The following SULF2 variants were observed in gnomAD, a reference collection of about 807,000 sequenced individuals.
SULF2 encodes the protein extracellular sulfatase Sulf-2.
In SULF2, 52 loss-of-function variants were observed where a neutral mutation model predicts 107.7. The observed-to-expected ratio is 0.48, with a 90% CI of 0.39 to 0.61. SULF2 has a LOEUF of 0.61. Among genes scored for constraint, SULF2 ranks in the 20% least tolerant of loss-of-function variants. The probability of loss-of-function intolerance (pLI) is 0.00; values close to 1 mark genes in which losing one functional copy is unlikely to be tolerated. For missense variants in SULF2, 993 were observed against 1,177.3 expected, an observed-to-expected ratio of 0.84 and a Z score of 2.29; for synonymous variants, 460 against 464.3, an observed-to-expected ratio of 0.99 and a Z score of 0.12.
intron 3 of SULF2, 109 bp downstream of exon 3, chr20:47,736,594 A>AG: frequency 7.1e-7 from 1 of 1,415,280 alleles, no homozygotes. Flanking sequence ...GAGTTGCTCT[A>AG]GGGGCTATCC....
intron 3 of SULF2, among the ~76,000 whole-genome samples, chr20:47,704,632 T>C (rs988662448): frequency 1.3e-5 from 2 of 152,334 alleles, no homozygotes; most frequent in Non-Finnish European, 2.9e-5. Context: ...ATGGGAAAAT[T>C]TGAGTCTAGA....
At position 47,676,459 on chromosome 20, in the gene SULF2, G is replaced by A. The variant is rs753691978; in HGVS notation, c.1380+35C>T. On this transcript the variant is annotated intron_variant, in intron 10 of 20. Transcript: ENST00000688720. Reference sequence around the variant, plus strand: ...AGGTCAGGGCCGGCTGCAGTCAGGAGGGGGAGCCGTTGGGAGGGAAGGGAG... The same window carrying A: ...AGGTCAGGGCCGGCTGCAGTCAGGAAGGGGAGCCGTTGGGAGGGAAGGGAG... 7 of 1,597,312 alleles carry A rather than the reference G, an allele frequency of 4.4e-6. No individual in the cohort carries two copies. The African/African-American group carries it at 6.7e-5, about 15-fold the overall frequency.
At chr20:47,718,443 A>G (rs1204961739) in intron 3 of SULF2, among the ~76,000 whole-genome samples, 1 of 152,178 alleles carries the variant, frequency 6.6e-6, no homozygotes, top group Non-Finnish European at 1.5e-5. Flanking sequence ...ATACCAGTGA[A>G]CAAAACAGAA....
At chr20:47,662,312 T>C (rs780883744) in intron 17 of SULF2, among the ~76,000 whole-genome samples, 4 of 152,170 alleles carry the variant, frequency 2.6e-5, no homozygotes, top group Non-Finnish European at 4.4e-5. Context: ...GGTTCTTGTG[T>C]AGTCTGGGAG....
intron 1 of SULF2, among the ~76,000 whole-genome samples, chr20:47,778,626 G>A (rs1319714129): frequency 6.6e-6 from 1 of 151,304 alleles, no homozygotes; most frequent in Non-Finnish European, 1.5e-5. Flanking sequence ...CAAGGCCCGA[G>A]ATCCCACATG....
intron 2 of SULF2, among the ~76,000 whole-genome samples, chr20:47,745,988 T>C (rs2090026584): frequency 6.6e-6 from 1 of 152,234 alleles, no homozygotes; most frequent in Admixed American, 6.5e-5. Flanking sequence ...AGATTTCACA[T>C]CAATTCAGCT....
At chr20:47,764,985 T>C (rs59942572) in intron 1 of SULF2, among the ~76,000 whole-genome samples, 21,769 of 152,000 alleles carry the variant, frequency 0.14, 1,680 homozygotes, top group East Asian at 0.18. Context: ...CCCAGTGTCG[T>C]GCAGCATGGG....
rs151140010 is a variant in SULF2, at chr20:47,674,932, T to C, written c.1380+1562A>G. On this transcript the variant is annotated intron_variant, in intron 10 of 20. Coordinates refer to ENST00000688720, the MANE Select transcript of SULF2 (RefSeq NM_001387048.1). Reference sequence around the variant, plus strand: ...AGGTCCCCAAAGCTCCGGGGCTGGGTCGGGGGCCGTGGGTTGCTGCCTCCC... The same window carrying C: ...AGGTCCCCAAAGCTCCGGGGCTGGGCCGGGGGCCGTGGGTTGCTGCCTCCC... Among the ~76,000 whole-genome samples, 608 of 152,186 alleles carry C rather than the reference T, an allele frequency of 4.0e-3. 6 individuals are homozygous for C. Among genetic ancestry groups the C allele is most frequent in the African/African-American group, 0.014 (581 of 41,524 alleles).
At chr20:47,761,212 T>G (rs1174521463) in intron 1 of SULF2, among the ~76,000 whole-genome samples, 5 of 152,192 alleles carry the variant, frequency 3.3e-5, no homozygotes, top group African/African-American at 4.8e-5. Context: ...GTACTATTAT[T>G]AGCCCCAGAG....
chr20:47,771,335 G>A (rs1458810062), intron 1 of SULF2, among the ~76,000 whole-genome samples: 1 of 152,128 alleles, frequency 6.6e-6, no homozygotes, highest in Non-Finnish European at 1.5e-5. Context: ...CTCGTACCAG[G>A]AGCTAGAGTC....
At chr20:47,733,957 G>A (rs763507724) in intron 3 of SULF2, among the ~76,000 whole-genome samples, 6 of 152,142 alleles carry the variant, frequency 3.9e-5, no homozygotes, top group African/African-American at 1.4e-4. Context: ...CTATTCAAAC[G>A]AGTATCACAA....
rs574100048 is a variant in SULF2, at chr20:47,764,630, A to G, written c.-100-7167T>C. Among the ~76,000 whole-genome samples the G allele has an allele frequency of 4.6e-5, 7 of 152,178 alleles. No homozygotes were observed. In the East Asian group the frequency reaches 1.2e-3, roughly 25 times the overall value. ...GTGCTGGGTGCCAGGAGGCATGAAT[A>G]TGGTGCTGATGGTGGCCGCCCATTG... On this transcript the variant is annotated intron_variant, in intron 1 of 20. Transcript: ENST00000688720.
In SULF2 at chr20:47,736,696, T is replaced by C; in HGVS notation, c.415+7A>G. On this transcript the variant is annotated splice_region_variant and intron_variant, in intron 3 of 20. Transcript: ENST00000688720. Reference sequence around the variant, plus strand: ...CCCTTCCTGCACCTGCCCCCGTCCCTGCTCACCTGTCCGGTAGCCAGTGCT... The same window carrying C: ...CCCTTCCTGCACCTGCCCCCGTCCCCGCTCACCTGTCCGGTAGCCAGTGCT... 6.2e-7 allele frequency: 1 copy of C among 1,614,178 alleles called. No individual in the cohort carries two copies. The highest frequency in any genetic ancestry group is 1.3e-5 in the African/African-American group (1 of 75,058).
At chr20:47,734,512 A>C (rs187985823) in intron 3 of SULF2, among the ~76,000 whole-genome samples, 1 of 152,354 alleles carries the variant, frequency 6.6e-6, no homozygotes, top group African/African-American at 2.4e-5. Context: ...ATCTTTAAAA[A>C]CATTTCCACT....
At chr20:47,672,771 T>A (rs891491117) in intron 10 of SULF2, among the ~76,000 whole-genome samples, 3 of 152,178 alleles carry the variant, frequency 2.0e-5, no homozygotes, top group Non-Finnish European at 2.9e-5. Context: ...AAGCTCCTGA[T>A]ACTAGTCTTT....
chr20:47,659,683 A>C lies in SULF2; in HGVS notation c.2528+14T>G. ...GGAGAACTTTGTTTAGGCTTTAATA[A>C]TAAAACGAAATACCTGTATTGCTCA... On this transcript the variant is annotated intron_variant, in intron 19 of 20. Transcript: ENST00000688720. 3 of 1,608,628 alleles carry C rather than the reference A, an allele frequency of 1.9e-6. No individual in the cohort carries two copies. The South Asian group carries it at 3.3e-5, about 18-fold the overall frequency.
At chr20:47,691,494 C>T (rs748974003) in intron 4 of SULF2, among the ~76,000 whole-genome samples, 17 of 152,216 alleles carry the variant, frequency 1.1e-4, no homozygotes, top group African/African-American at 2.9e-4. Flanking sequence ...GATTGGCCTG[C>T]GGTTTGGCCC....
chr20:47,728,369 T>C (rs998790416), intron 3 of SULF2, among the ~76,000 whole-genome samples: 4 of 152,056 alleles, frequency 2.6e-5, no homozygotes, highest in Non-Finnish European at 2.9e-5. Flanking sequence ...CGGGAATAAT[T>C]TCAGTCTTCT....
At chr20:47,737,755 G>GTTTT (rs11484375) in intron 2 of SULF2, among the ~76,000 whole-genome samples, 734 of 61,854 alleles carry the variant, frequency 0.012, 74 homozygotes, top group African/African-American at 0.034. Flanking sequence ...TCTTTTCTTT[G>GTTTT]TTTTTTTTTT....
Sources: gnomAD v4.1 joint callset for allele counts (sites outside exome capture counted in the v4.1 genomes callset) on GRCh38, gnomAD v4.1.1 for gene constraint, MANE v1.5 for transcripts, NCBI Gene and HGNC (gene_info 2026-07-23, HGNC 2026-07-21) for gene names.